The following IL1RAPL2 variants were observed in gnomAD, a reference collection of about 807,000 sequenced individuals.
IL1RAPL2 encodes interleukin 1 receptor accessory protein like 2, also known as X-linked interleukin-1 receptor accessory protein-like 2.
In IL1RAPL2, 3 loss-of-function variants were observed where a neutral mutation model predicts 44.1. The observed-to-expected ratio is 0.07, with a 90% confidence interval of 0.03 to 0.18. The LOEUF is 0.18. Among genes scored for constraint, IL1RAPL2 ranks in the 10% least tolerant of loss-of-function variants. The probability of loss-of-function intolerance (pLI) is 1.00; values close to 1 mark genes in which losing one functional copy is unlikely to be tolerated. For synonymous variants in IL1RAPL2, 181 were observed against 178.8 expected (o/e 1.01, Z -0.10); for missense variants, 391 against 496.4 (o/e 0.79, Z 2.02).
intron 2 of IL1RAPL2, among the ~76,000 whole-genome samples, chrX:105,143,486 C>T (rs981607107): frequency 1.8e-5 from 2 of 111,825 alleles, no homozygotes; most frequent in African/African-American, 6.5e-5. Context: ...AACACTTTTA[C>T]ACTGTTGGTG....
chrX:104,803,461 G>A (rs1372823086), intron 2 of IL1RAPL2, among the ~76,000 whole-genome samples: 3 of 111,998 alleles, frequency 2.7e-5, no homozygotes, highest in Non-Finnish European at 5.6e-5. Context: ...TAGAGCTTAC[G>A]ATTGTGCACA....
intron 2 of IL1RAPL2, among the ~76,000 whole-genome samples, chrX:104,719,700 T>G (rs1424075366): frequency 9.0e-6 from 1 of 111,691 alleles, no homozygotes; most frequent in Non-Finnish European, 1.9e-5. Flanking sequence ...TTGCAACTTG[T>G]AGCTTCACCG....
At chrX:105,534,334 A>C (rs1167419403) in intron 6 of IL1RAPL2, among the ~76,000 whole-genome samples, 1 of 111,992 alleles carries the variant, frequency 8.9e-6, no homozygotes, top group Admixed American at 9.5e-5. Context: ...TTGATAGCAT[A>C]AGGGGGTCAT....
At chrX:105,592,937 A>G (rs2037183288) in intron 6 of IL1RAPL2, among the ~76,000 whole-genome samples, 1 of 111,521 alleles carries the variant, frequency 9.0e-6, no homozygotes, top group Non-Finnish European at 1.9e-5. Flanking sequence ...AGTATCTCAC[A>G]AGGATTCTCT....
chrX:105,444,627 ATT>A (rs1003290904), intron 5 of IL1RAPL2, among the ~76,000 whole-genome samples: 2 of 111,111 alleles, frequency 1.8e-5, no homozygotes, highest in Admixed American at 1.9e-4. Flanking sequence ...GTAAAATAAT[ATT>A]GTTTTATTTA....
intron 2 of IL1RAPL2, among the ~76,000 whole-genome samples, chrX:104,740,096 C>A (rs1049477506): frequency 1.1e-4 from 12 of 111,250 alleles, no homozygotes; most frequent in Non-Finnish European, 2.3e-4. Flanking sequence ...CTATTTTAGG[C>A]ACCTACATTT....
At chrX:105,146,651 C>T (rs1296293163) in intron 2 of IL1RAPL2, among the ~76,000 whole-genome samples, 1 of 111,176 alleles carries the variant, frequency 9.0e-6, no homozygotes, top group East Asian at 2.8e-4. Flanking sequence ...CTTACCAAAC[C>T]AAATTTGCAT....
chrX:105,423,867 T>TAAAAAAAAAA (rs111770482), intron 5 of IL1RAPL2, among the ~76,000 whole-genome samples: 3 of 86,121 alleles, frequency 3.5e-5, no homozygotes, highest in African/African-American at 1.2e-4. Context: ...TGGAAACAAG[T>TAAAAAAAAAA]AAAAAAAAAA....
chrX:105,490,028 G>A (rs1440113904), intron 6 of IL1RAPL2, among the ~76,000 whole-genome samples: 5 of 110,061 alleles, frequency 4.5e-5, no homozygotes, highest in Non-Finnish European at 9.5e-5. Context: ...GGGTTTCGCT[G>A]TGTTGGCCAG....
intron 6 of IL1RAPL2, among the ~76,000 whole-genome samples, chrX:105,604,276 AAG>A (rs1291979731): frequency 9.0e-6 from 1 of 111,711 alleles, no homozygotes; most frequent in South Asian, 3.7e-4. Flanking sequence ...CTAAGAAAAA[AAG>A]AGAGAAGACA....
At chrX:105,009,041 A>T (rs1481024704) in intron 2 of IL1RAPL2, among the ~76,000 whole-genome samples, 6 of 112,078 alleles carry the variant, frequency 5.4e-5, no homozygotes, top group Non-Finnish European at 9.4e-5. Context: ...AATCAAAACC[A>T]CAATGAGATA....
chrX:105,073,015 G>A (rs184773239), intron 2 of IL1RAPL2, among the ~76,000 whole-genome samples: 2,422 of 108,274 alleles, frequency 0.022, 62 homozygotes, highest in African/African-American at 0.08. Context: ...GTATTCCATG[G>A]TGTATATGTG....
chrX:104,759,523 T>C (rs1324786505), intron 2 of IL1RAPL2, among the ~76,000 whole-genome samples: 4 of 111,425 alleles, frequency 3.6e-5, no homozygotes, highest in Non-Finnish European at 7.5e-5. Context: ...ATTTGGGACA[T>C]ATGGTATATT....
chrX:105,233,923 C>T lies in IL1RAPL2; in HGVS notation c.462C>T (p.Val154=), dbSNP rs1480315909. The stretch of plus-strand genomic sequence containing the variant: ...TCCGCTATTTAGAAAAATCTGAAGT[C>T]ACTAAAAGAAAGGAGATCTCCTGTC... ...SRIRYLEKSE[V]TKRKEISCPD... Residue 154 remains valine (V), a synonymous_variant, in exon 4 of 11, where the codon GTC becomes GTT. Coordinates refer to ENST00000372582, the MANE Select transcript of IL1RAPL2 (RefSeq NM_017416.2). 8.3e-7 allele frequency: 1 copy of T among 1,210,382 alleles called. No homozygotes were observed. The highest frequency in any genetic ancestry group is 1.1e-6 in the Non-Finnish European group (1 of 894,338).
intron 2 of IL1RAPL2, among the ~76,000 whole-genome samples, chrX:105,007,964 C>A (rs1196710375): frequency 8.7e-6 from 1 of 114,707 alleles, no homozygotes; most frequent in Non-Finnish European, 1.9e-5. Context: ...TATACATTGA[C>A]GTGGAATTGG....
chrX:105,161,569 G>T (rs1036821362), intron 2 of IL1RAPL2, among the ~76,000 whole-genome samples: 10 of 111,114 alleles, frequency 9.0e-5, no homozygotes, highest in African/African-American at 2.6e-4. Flanking sequence ...CAACGAGTTT[G>T]CCTAGACCAC....
At chrX:104,667,393 G>C (rs1272662845) in intron 2 of IL1RAPL2, among the ~76,000 whole-genome samples, 1 of 111,364 alleles carries the variant, frequency 9.0e-6, no homozygotes, top group Non-Finnish European at 1.9e-5. Flanking sequence ...AGCCCCCCAA[G>C]AAACAAGTAA....
At chrX:104,671,254 C>T (rs970953993) in intron 2 of IL1RAPL2, among the ~76,000 whole-genome samples, 1 of 110,396 alleles carries the variant, frequency 9.1e-6, no homozygotes, top group Non-Finnish European at 1.9e-5. Flanking sequence ...TATTTTTGTG[C>T]CCCTCAGTCC....
At chrX:105,127,840 C>T (rs1192941395) in intron 2 of IL1RAPL2, among the ~76,000 whole-genome samples, 1 of 110,286 alleles carries the variant, frequency 9.1e-6, no homozygotes, top group African/African-American at 3.3e-5. Context: ...AAGAGACAGA[C>T]AAATGAAAAA....
Sources: gnomAD v4.1 joint callset for allele counts (sites outside exome capture counted in the v4.1 genomes callset) on GRCh38, gnomAD v4.1.1 for gene constraint, MANE v1.5 for transcripts, NCBI Gene and HGNC (gene_info 2026-07-23, HGNC 2026-07-21) for gene names.